The following OR2G6 variants were observed in gnomAD, a reference collection of about 807,000 sequenced individuals.
OR2G6 encodes olfactory receptor family 2 subfamily G member 6, also known as olfactory receptor 2G6.
For synonymous variants in OR2G6, 183 were observed against 155.2 expected, an observed-to-expected ratio of 1.18 and a Z score of -1.33; for missense variants, 457 against 391.3, an observed-to-expected ratio of 1.17 and a Z score of -1.42.
Position 248,525,083 on chromosome 1 carries a change from TTC to T in OR2G6, c.*2488_*2489del, listed in dbSNP as rs1664367257. 6.6e-6 allele frequency: 1 copy of T among 151,962 alleles called. No individual in the cohort carries two copies. Among genetic ancestry groups the T allele is most frequent in the East Asian group, 1.9e-4 (1 of 5,204 alleles). The allele number at this position is 151,962 out of a possible 1,614,324, so 9.4% of individuals were successfully genotyped here. A position where few individuals can be genotyped will look rare whatever the true frequency, so the allele number is the denominator to read the frequency against. ...ATTTTTATTTATAATGTGAGCATTTTTCTGATTAATCTAAAAAATATCCACCA... is the reference window on the plus strand; with the variant it reads ...ATTTTTATTTATAATGTGAGCATTTTTGATTAATCTAAAAAATATCCACCA... On this transcript the variant is annotated 3_prime_UTR_variant, in exon 2 of 2. Transcript: ENST00000641804.
At position 248,522,201 on chromosome 1, in the gene OR2G6, C is replaced by A. The variant is rs752227305; in HGVS notation, c.555C>A (p.Ile185=). ...TTTTCTGTGAGGTGCCAGTGCTCAT[C>A]AAACTGGCCTGTGTGGATACGACTT... The part of the protein sequence containing the change: ...DHIFCEVPVL[I]KLACVDTTFN... Residue 185 remains isoleucine, a synonymous_variant, in exon 2 of 2, where the codon ATC becomes ATA. Transcript: ENST00000641804. 1 of 1,614,178 alleles carries A rather than the reference C, an allele frequency of 6.2e-7. No individual in the cohort carries two copies. The highest frequency in any genetic ancestry group is 8.5e-7 in the Non-Finnish European group (1 of 1,180,020).
rs189631137 is a variant in OR2G6 at position 248,526,510 on chromosome 1, A to T, written c.*3913A>T. ...AAAATGTTGAGCCCCAGTCTTAGGA[A>T]ATCCTCCCTATACTCATGATTTTTA... is the stretch of plus-strand genomic sequence containing the variant. On this transcript the variant is annotated 3_prime_UTR_variant, in exon 2 of 2. Coordinates refer to ENST00000641804, the MANE Select transcript of OR2G6 (RefSeq NM_001013355.2). The T allele has an allele frequency of 1.3e-5, 2 of 152,318 alleles. No homozygotes were observed. The highest frequency in any genetic ancestry group is 6.5e-5 in the Admixed American group (1 of 15,296). 9.4% of individuals were successfully genotyped at this position (152,318 alleles called of 1,614,324 possible).
In OR2G6 at chr1:248,521,873, G is replaced by C. The variant is rs201706458; in HGVS notation, c.227G>C (p.Ser76Thr). Residue 76 changes from serine to threonine, a missense_variant, in exon 2 of 2, where the codon AGT (serine) becomes ACT (threonine). By Grantham distance (58) the Ser-to-Thr change is moderately conservative (BLOSUM62 1). Transcript: ENST00000641804. ...LSCVDICFTT[S>T]VAPQLLVTMN... The stretch of plus-strand genomic sequence containing the variant: ...TGTGTGGACATCTGCTTTACCACCA[G>C]TGTTGCCCCACAGTTGCTGGTTACC... 1.7e-5 allele frequency: 28 copies of C among 1,613,982 alleles called. No homozygotes were observed. Among genetic ancestry groups the C allele is most frequent in the Middle Eastern group, 1.6e-4 (1 of 6,084 alleles).
In OR2G6 at chr1:248,527,292, G is replaced by A. The variant is rs1659157385; in HGVS notation, c.*4695G>A. ...GTTTTGTCAGGTTTGTCAAAGATCA[G>A]ATAGTTGAAGATGTGTGGTATTATT... is the stretch of plus-strand genomic sequence containing the variant. On this transcript the variant is annotated 3_prime_UTR_variant, in exon 2 of 2. Coordinates refer to ENST00000641804, the MANE Select transcript of OR2G6 (RefSeq NM_001013355.2). The A allele has an allele frequency of 6.6e-6, 1 of 152,190 alleles. No individual in the cohort carries two copies. Among genetic ancestry groups the A allele is most frequent in the Admixed American group, 6.5e-5 (1 of 15,272 alleles). 9.4% of individuals were successfully genotyped at this position (152,190 alleles called of 1,614,324 possible).
rs1373122645 is a variant in OR2G6 at position 248,525,237 on chromosome 1, A to AT, written c.*2642dup. Reference sequence around the variant, plus strand: ...ACTTATAATGTATTTTATAAATACAATTAGTAAATCTAAAACAGGTACACA... The same window carrying AT: ...ACTTATAATGTATTTTATAAATACAATTTAGTAAATCTAAAACAGGTACACA... On this transcript the variant is annotated 3_prime_UTR_variant, in exon 2 of 2. Coordinates refer to ENST00000641804, the MANE Select transcript of OR2G6 (RefSeq NM_001013355.2). The AT allele has an allele frequency of 6.6e-6, 1 of 152,172 alleles. No homozygotes were observed. Among genetic ancestry groups the AT allele is most frequent in the African/African-American group, 2.4e-5 (1 of 41,436 alleles). 9.4% of individuals were successfully genotyped at this position (152,172 alleles called of 1,614,324 possible).
In OR2G6 at chr1:248,521,813, A is replaced by G. The variant is rs746955352; in HGVS notation, c.167A>G (p.His56Arg). Residue 56 changes from histidine (H) to arginine (R), a missense_variant, in exon 2 of 2, where the codon CAC (histidine) becomes CGC (arginine). Coordinates refer to ENST00000641804, the MANE Select transcript of OR2G6 (RefSeq NM_001013355.2). The stretch of plus-strand genomic sequence containing the variant: ...GTATGTTGTCTGGACTCCAGACTCC[A>G]CACTCCAATGTACTTCTTCCTCAGC... ...ILVCCLDSRL[H>R]TPMYFFLSNL... The G allele has an allele frequency of 6.2e-7, 1 of 1,614,068 alleles. No homozygotes were observed. Among genetic ancestry groups the G allele is most frequent in the East Asian group, 2.2e-5 (1 of 44,880 alleles).
In OR2G6 at chr1:248,522,452, A is replaced by C. The variant is rs1172880518; in HGVS notation, c.806A>C (p.Asn269Thr). ...CAACCGGCCAATAGGAGATCCAAAA[A>C]CCAGGGAAAGTTTGTTTCTCTTTTC... is the stretch of plus-strand genomic sequence containing the variant. ...YLQPANRRSK[N>T]QGKFVSLFYT... Residue 269 changes from asparagine (N) to threonine (T), a missense_variant, in exon 2 of 2, where the codon AAC becomes ACC. Physicochemically the swap from Asn to Thr is moderately conservative, Grantham distance 65. Coordinates refer to ENST00000641804, the MANE Select transcript of OR2G6 (RefSeq NM_001013355.2). 6.2e-7 allele frequency: 1 copy of C among 1,614,104 alleles called. No individual in the cohort carries two copies. The highest frequency in any genetic ancestry group is 8.5e-7 in the Non-Finnish European group (1 of 1,180,006).
chr1:248,521,903 ATAAG>A lies in OR2G6; in HGVS notation c.258_261del (p.Asn86LysfsTer6), dbSNP rs1477856974. 1.2e-6 allele frequency: 2 copies of A among 1,614,122 alleles called. No individual in the cohort carries two copies. Among genetic ancestry groups the A allele is most frequent in the Admixed American group, 3.3e-5 (2 of 60,010 alleles). On this transcript the variant is annotated frameshift_variant, in exon 2 of 2. Coordinates refer to ENST00000641804, the MANE Select transcript of OR2G6 (RefSeq NM_001013355.2). LOFTEE classifies it low-confidence loss of function (END_TRUNC). Reference sequence around the variant, plus strand: ...GCCCCACAGTTGCTGGTTACCATGAATAAGAAAGACAAAACCATGAGCTACGGTG... The same window carrying A: ...GCCCCACAGTTGCTGGTTACCATGAAAAAGACAAAACCATGAGCTACGGTG...
chr1:248,526,708 A>T lies in OR2G6; in HGVS notation c.*4111A>T, dbSNP rs991585663. Reference sequence around the variant, plus strand: ...TTGCCATTCTAACTGGTGTGAGATGATATCTCATTGTGGTTTTGATTTGCA... The same window carrying T: ...TTGCCATTCTAACTGGTGTGAGATGTTATCTCATTGTGGTTTTGATTTGCA... On this transcript the variant is annotated 3_prime_UTR_variant, in exon 2 of 2. Coordinates refer to ENST00000641804, the MANE Select transcript of OR2G6 (RefSeq NM_001013355.2). The T allele has an allele frequency of 1.2e-5, 1 of 83,052 alleles. No individual in the cohort carries two copies. Among genetic ancestry groups the T allele is most frequent in the African/African-American group, 2.6e-5 (1 of 37,952 alleles). 5.1% of individuals were successfully genotyped at this position (83,052 alleles called of 1,614,324 possible).
In OR2G6 at chr1:248,525,374, A is replaced by T. The variant is rs1014270333; in HGVS notation, c.*2777A>T. On this transcript the variant is annotated 3_prime_UTR_variant, in exon 2 of 2. Transcript: ENST00000641804. ...TGACCATTCAGTATTGCAATTATTT[A>T]AAAACTATACAATGAGAATGCTGTA... The T allele has an allele frequency of 6.6e-6, 1 of 152,188 alleles. No homozygotes were observed. The highest frequency in any genetic ancestry group is 2.4e-5 in the African/African-American group (1 of 41,454). The allele number at this position is 152,188 out of a possible 1,614,324, so 9.4% of individuals were successfully genotyped here. A position where few individuals can be genotyped will look rare whatever the true frequency, so the allele number is the denominator to read the frequency against.
In OR2G6 at chr1:248,520,818, G is replaced by A. The variant is rs544568702; in HGVS notation, c.-36-793G>A. ...GAGGTCAGGAGTTCCAGACCAGCCT[G>A]GCCAACATGGTGAAACCCCCATCTC... On this transcript the variant is annotated intron_variant, in intron 1 of 1. Coordinates refer to ENST00000641804, the MANE Select transcript of OR2G6 (RefSeq NM_001013355.2). Among the ~76,000 whole-genome samples the A allele has an allele frequency of 6.0e-5, 9 of 150,350 alleles. No individual in the cohort carries two copies. The South Asian group carries it at 1.9e-3, about 32-fold the overall frequency.
intron 1 of OR2G6, among the ~76,000 whole-genome samples, chr1:248,520,140 T>C (rs2103059672): frequency 6.6e-6 from 1 of 152,224 alleles, no homozygotes; most frequent in South Asian, 2.1e-4. Context: ...TGGATGAAGG[T>C]GGAAACCATC....
rs971407128 is a variant in OR2G6 at position 248,525,693 on chromosome 1, C to T, written c.*3096C>T. The T allele has an allele frequency of 3.9e-5, 6 of 152,064 alleles. No homozygotes were observed. Among genetic ancestry groups the T allele is most frequent in the Admixed American group, 3.9e-4 (6 of 15,248 alleles). The allele number at this position is 152,064 out of a possible 1,614,324, so 9.4% of individuals were successfully genotyped here. ...TGTGCAAAATAACCAGCTAGCATCACGATGACAAGATCAAATTCACACATA... is the reference window on the plus strand; with the variant it reads ...TGTGCAAAATAACCAGCTAGCATCATGATGACAAGATCAAATTCACACATA... On this transcript the variant is annotated 3_prime_UTR_variant, in exon 2 of 2. Coordinates refer to ENST00000641804, the MANE Select transcript of OR2G6 (RefSeq NM_001013355.2).
chr1:248,522,614 T>G lies in OR2G6; in HGVS notation c.*17T>G. ...AAGGACTAGGAAACACCTGGAATTC[T>G]AAACAAGGGAAACACCTCAAGGCAG... On this transcript the variant is annotated 3_prime_UTR_variant, in exon 2 of 2. Transcript: ENST00000641804. 2 of 1,546,080 alleles carry G rather than the reference T, an allele frequency of 1.3e-6. No homozygotes were observed. Among genetic ancestry groups the G allele is most frequent in the Non-Finnish European group, 1.8e-6 (2 of 1,136,868 alleles).
At chr1:248,521,556 G>A in intron 1 of OR2G6, 55 bp from the exon 2 acceptor site, 3 of 887,862 alleles carry the variant, frequency 3.4e-6, no homozygotes, top group Non-Finnish European at 3.6e-6. Flanking sequence ...GTAAACGACT[G>A]TGGATTACCA....
At chr1:248,519,649 C>T (rs992714261) in intron 1 of OR2G6, among the ~76,000 whole-genome samples, 23 of 151,888 alleles carry the variant, frequency 1.5e-4, no homozygotes, top group East Asian at 5.8e-4. Flanking sequence ...TGTAGATGTG[C>T]GGTGTTATTT....
In OR2G6 at chr1:248,522,125, G is replaced by A. The variant is rs751276808; in HGVS notation, c.479G>A (p.Cys160Tyr). 9.9e-6 allele frequency: 16 copies of A among 1,612,350 alleles called. No homozygotes were observed. The highest frequency in any genetic ancestry group is 1.4e-5 in the Non-Finnish European group (16 of 1,179,976). Residue 160 changes from cysteine to tyrosine, a missense_variant, in exon 2 of 2, where the codon TGC becomes TAC. By Grantham distance (194) the Cys-to-Tyr change is radical (BLOSUM62 -2). Coordinates refer to ENST00000641804, the MANE Select transcript of OR2G6 (RefSeq NM_001013355.2). ...LSGLITSLIQ[C>Y]SLTVQLPLCG... ...GGCCTCATCACCTCCCTAATTCAGT[G>A]CTCCCTCACTGTGCAGCTGCCCCTC...
rs140492725 is a variant in OR2G6, at chr1:248,523,554, C to T, written c.*957C>T. The T allele has an allele frequency of 1.7e-3, 252 of 152,258 alleles. 1 individual carries two copies. The highest frequency in any genetic ancestry group is 5.8e-3 in the African/African-American group (241 of 41,550). 9.4% of individuals were successfully genotyped at this position (152,258 alleles called of 1,614,324 possible). ...GAAATATGAATCCCACACACTGTCT[C>T]ACGTTAACGATCATAGTTATATGTT... On this transcript the variant is annotated 3_prime_UTR_variant, in exon 2 of 2. Coordinates refer to ENST00000641804, the MANE Select transcript of OR2G6 (RefSeq NM_001013355.2).
chr1:248,520,800 G>C lies in OR2G6; in HGVS notation c.-36-811G>C, dbSNP rs942592919. ...GAGGTAGTTAGGTCACCTGAGGTCA[G>C]GAGTTCCAGACCAGCCTGGCCAACA... On this transcript the variant is annotated intron_variant, in intron 1 of 1. Coordinates refer to ENST00000641804, the MANE Select transcript of OR2G6 (RefSeq NM_001013355.2). Among the ~76,000 whole-genome samples the C allele has an allele frequency of 4.0e-5, 6 of 151,374 alleles. 1 individual carries two copies. The highest frequency in any genetic ancestry group is 8.8e-5 in the Non-Finnish European group (6 of 67,892).
Sources: gnomAD v4.1 joint callset for allele counts (sites outside exome capture counted in the v4.1 genomes callset) on GRCh38, gnomAD v4.1.1 for gene constraint, MANE v1.5 for transcripts, NCBI Gene and HGNC (gene_info 2026-07-23, HGNC 2026-07-21) for gene names.